ADCK5: variants seen among roughly 807,000 people sequenced by gnomAD.
The protein encoded by ADCK5 is uncharacterized aarF domain-containing protein kinase 5.
ADCK5 carries 43 observed loss-of-function variants against 64.9 expected under a neutral mutation model. The ratio of observed to expected loss-of-function variants is 0.66; its 90% CI spans 0.52 to 0.85. The LOEUF (loss-of-function observed/expected upper bound fraction) is 0.85. ADCK5 is among the 40% of genes least tolerant of loss of function. The pLI is 0.00. For synonymous variants in ADCK5, 434 were observed against 342.8 expected (o/e 1.27, Z -2.94); for missense variants, 760 against 810.5 (o/e 0.94, Z 0.76).
chr8:144,386,792 G>T (rs545360915), intron 3 of ADCK5, among the ~76,000 whole-genome samples: 32 of 152,210 alleles, frequency 2.1e-4, no homozygotes, highest in Non-Finnish European at 3.8e-4. Flanking sequence ...CAAAGTGGTG[G>T]GTCTTCGCCC....
Position 144,390,683 on chromosome 8 carries a change from C to T in ADCK5, c.279C>T (p.Val93=), listed in dbSNP as rs1554860192. The change falls in exon 4 of 15, where the codon GTC becomes GTT. Residue 93 remains valine, a synonymous_variant. Transcript: ENST00000308860. Reference sequence around the variant, plus strand: ...CCTCTGCCCGCAGGTCTCTGAAGGTCGGCCTGCAGATCTCCCTGGACTACT... The same window carrying T: ...CCTCTGCCCGCAGGTCTCTGAAGGTTGGCCTGCAGATCTCCCTGGACTACT... ...GMGRFGRSLK[V]GLQISLDYWW... is the part of the protein sequence containing the mutation. The T allele has an allele frequency of 5.0e-6, 8 of 1,613,630 alleles. No individual in the cohort carries two copies. The highest frequency in any genetic ancestry group is 1.3e-5 in the African/African-American group (1 of 75,058).
intron 12 of ADCK5, 25 bp from the exon 13 acceptor site, chr8:144,392,412 GCCCCCTCC>G: frequency 6.8e-7 from 1 of 1,475,036 alleles, no homozygotes; most frequent in Non-Finnish European, 9.0e-7. Flanking sequence ...CCCACTCAGA[GCCCCCTCC>G]CTCCCTCCCT....
At chr8:144,385,139 C>T (rs534368736) in intron 3 of ADCK5, among the ~76,000 whole-genome samples, 9 of 151,896 alleles carry the variant, frequency 5.9e-5, no homozygotes, top group African/African-American at 2.2e-4. Flanking sequence ...GACAATGTTT[C>T]TCTGCCTCAG....
chr8:144,392,898 T>C lies in ADCK5; in HGVS notation c.1637+6T>C. 1.2e-6 allele frequency: 2 copies of C among 1,600,338 alleles called. No homozygotes were observed. The highest frequency in any genetic ancestry group is 1.7e-6 in the Non-Finnish European group (2 of 1,176,224). ...AAGTTTGAAGTGGCGCTCAGGTGAG[T>C]GGCCGCGGGGCAGGTGGGTGGCGGG... On this transcript the variant is annotated splice_donor_region_variant and intron_variant, in intron 14 of 14. Coordinates refer to ENST00000308860, the MANE Select transcript of ADCK5 (RefSeq NM_174922.5).
chr8:144,381,774 GCCCCTGCTGCACT>G, intron 2 of ADCK5, among the ~76,000 whole-genome samples: 2 of 108,856 alleles, frequency 1.8e-5, no homozygotes, highest in Non-Finnish European at 3.9e-5. Context: ...GTGTGCTCAG[GCCCCTGCTGCACT>G]CAGGATTATG....
At position 144,392,960 on chromosome 8, in the gene ADCK5, C is replaced by T. The variant is rs782052942; in HGVS notation, c.1638-9C>T. 2 of 1,578,616 alleles carry T rather than the reference C, an allele frequency of 1.3e-6. No homozygotes were observed. The highest frequency in any genetic ancestry group is 1.5e-5 in the African/African-American group (1 of 67,752). On this transcript the variant is annotated splice_polypyrimidine_tract_variant and intron_variant, in intron 14 of 14. Coordinates refer to ENST00000308860, the MANE Select transcript of ADCK5 (RefSeq NM_174922.5). The stretch of plus-strand genomic sequence containing the variant: ...CACCCACCTGTGACCTGTGACCTGA[C>T]CCACGCAGGCTGGAGACCTTGGCCA...
rs556660351 is a variant in ADCK5 at position 144,391,007 on chromosome 8, G to A, written c.494G>A (p.Arg165Gln). Residue 165 changes from arginine to glutamine, a missense_variant, in exon 5 of 15, where the codon CGG becomes CAG. This residue lies in a region of ADCK5 where 427 missense variants were observed against 518.4 expected (regional missense o/e 0.82). Coordinates refer to ENST00000308860, the MANE Select transcript of ADCK5 (RefSeq NM_174922.5). The part of the protein sequence containing the change: ...FNHLLPPEYT[R>Q]TLRVLEDRAL... Reference sequence around the variant, plus strand: ...CACCTGCTTCCCCCCGAGTATACCCGGACCCTGCGCGTGCTAGAGGACAGG... The same window carrying A: ...CACCTGCTTCCCCCCGAGTATACCCAGACCCTGCGCGTGCTAGAGGACAGG... 35 of 1,612,960 alleles carry A rather than the reference G, an allele frequency of 2.2e-5. No individual in the cohort carries two copies. In the East Asian group the frequency reaches 2.9e-4, roughly 13 times the overall value.
chr8:144,379,813 G>A (rs143769610), intron 2 of ADCK5, among the ~76,000 whole-genome samples: 1 of 152,204 alleles, frequency 6.6e-6, no homozygotes, highest in Admixed American at 6.5e-5. Flanking sequence ...GTGACTATAG[G>A]TGGGAGTCAC....
chr8:144,391,011 C>T lies in ADCK5; in HGVS notation c.498C>T (p.Thr166=), dbSNP rs782182364. The stretch of plus-strand genomic sequence containing the variant: ...TGCTTCCCCCCGAGTATACCCGGAC[C>T]CTGCGCGTGCTAGAGGACAGGGCCC... ...NHLLPPEYTR[T]LRVLEDRALK... is the part of the protein sequence containing the mutation. Residue 166 remains threonine (T), a synonymous_variant, in exon 5 of 15, where the codon ACC becomes ACT. Transcript: ENST00000308860. 19 of 1,612,854 alleles carry T rather than the reference C, an allele frequency of 1.2e-5. No homozygotes were observed. The East Asian group carries it at 1.3e-4, about 11-fold the overall frequency.
Position 144,392,109 on chromosome 8 carries a change from C to G in ADCK5, c.1114C>G (p.Pro372Ala), listed in dbSNP as rs1820272617. ...ATCCCTAGTTCTGGTGCGGAAAGGC[C>G]CGGACGGGAAAGCGGAGCTGGTGCT... The part of the protein sequence containing the change: ...HPGNVLVRKG[P>A]DGKAELVLLD... Residue 372 changes from proline (P) to alanine (A), a missense_variant, in exon 11 of 15, where the codon CCG (proline) becomes GCG (alanine). Around this residue, in one of 2 missense-constraint regions of ADCK5, gnomAD observed 427 missense variants for 518.4 expected, o/e 0.82. Coordinates refer to ENST00000308860, the MANE Select transcript of ADCK5 (RefSeq NM_174922.5). 6.2e-7 allele frequency: 1 copy of G among 1,611,888 alleles called. No homozygotes were observed. The highest frequency in any genetic ancestry group is 8.5e-7 in the Non-Finnish European group (1 of 1,179,802).
Position 144,392,259 on chromosome 8 carries a change from G to T in ADCK5, c.1181G>T (p.Arg394Leu). The stretch of plus-strand genomic sequence containing the variant: ...GCGGGCCCATCCACACCCAGGGACC[G>T]CGCAGCCCTCTGCCAGCTGTGGCGG... ...GLYQFLEEKD[R>L]AALCQLWRAI... Residue 394 changes from arginine (R) to leucine (L), a missense_variant, in exon 12 of 15, where the codon CGC becomes CTC. Arg to Leu is a moderately radical substitution (Grantham distance 102). Transcript: ENST00000308860. The T allele has an allele frequency of 6.5e-7, 1 of 1,532,250 alleles. No individual in the cohort carries two copies. The highest frequency in any genetic ancestry group is 8.8e-7 in the Non-Finnish European group (1 of 1,142,842). 94.9% of individuals were successfully genotyped at this position (1,532,250 alleles called of 1,614,324 possible).
rs781800832 is a variant in ADCK5, at chr8:144,391,930, C to T, written c.1015-11C>T. On this transcript the variant is annotated splice_polypyrimidine_tract_variant and intron_variant, in intron 9 of 14. Coordinates refer to ENST00000308860, the MANE Select transcript of ADCK5 (RefSeq NM_174922.5). ...GTGCTGTGTCCACTGCAATGCCTCTCCTCTCCCCAGATAGCAGAAAAGCTC... is the reference window on the plus strand; with the variant it reads ...GTGCTGTGTCCACTGCAATGCCTCTTCTCTCCCCAGATAGCAGAAAAGCTC... The T allele has an allele frequency of 2.5e-6, 4 of 1,612,324 alleles. No individual in the cohort carries two copies. The highest frequency in any genetic ancestry group is 2.2e-5 in the East Asian group (1 of 44,864).
chr8:144,392,069 G>T, intron 10 of ADCK5, 23 bp from the exon 11 acceptor site: 1 of 1,612,212 alleles, frequency 6.2e-7, no homozygotes. Flanking sequence ...GGCGCAGCGC[G>T]ACCTAAGAGG....
At position 144,392,483 on chromosome 8, in the gene ADCK5, G is replaced by A; in HGVS notation, c.1306G>A (p.Val436Met). 9.6e-6 allele frequency: 12 copies of A among 1,244,360 alleles called. No homozygotes were observed. The highest frequency in any genetic ancestry group is 1.2e-5 in the Non-Finnish European group (12 of 969,112). The allele number at this position is 1,244,360 out of a possible 1,614,324, so 77.1% of individuals were successfully genotyped here. Residue 436 changes from valine to methionine, a missense_variant, in exon 13 of 15, where the codon GTG (valine) becomes ATG (methionine). Val to Met is a conservative substitution (Grantham distance 21). Coordinates refer to ENST00000308860, the MANE Select transcript of ADCK5 (RefSeq NM_174922.5). ...CGCCGAGATGCTCATGCAGCGCCCC[G>A]TGCGCCTGGGGCAGCTGTGGGGCTC... is the stretch of plus-strand genomic sequence containing the variant. ...LFAEMLMQRP[V>M]RLGQLWGSHL... is the part of the protein sequence containing the mutation.
rs1019245183 is a variant in ADCK5 at position 144,391,175 on chromosome 8, C to T, written c.585C>T (p.His195=). Residue 195 remains histidine, a synonymous_variant, in exon 6 of 15, where the codon CAC becomes CAT. Transcript: ENST00000308860. The part of the protein sequence containing the change: ...LFLEDFQALP[H]ELFQEFDYQP... ...TTGAGGACTTCCAGGCCCTCCCCCA[C>T]GAGCTCTTCCAGGAGTTTGACTACC... The T allele has an allele frequency of 4.3e-6, 7 of 1,611,888 alleles. No individual in the cohort carries two copies. Among genetic ancestry groups the T allele is most frequent in the Admixed American group, 1.7e-5 (1 of 60,004 alleles).
chr8:144,383,302 T>C, intron 3 of ADCK5, 72 bp downstream of exon 3: 1 of 1,453,094 alleles, frequency 6.9e-7, no homozygotes, highest in Non-Finnish European at 9.1e-7. Flanking sequence ...GATTGCCTGC[T>C]CCAGATGCCT....
At chr8:144,374,618 T>C (rs1032525954) in intron 1 of ADCK5, among the ~76,000 whole-genome samples, 1 of 152,040 alleles carries the variant, frequency 6.6e-6, no homozygotes, top group Non-Finnish European at 1.5e-5. Flanking sequence ...TCAGGCGCCG[T>C]TCCCCTCGCG....
At chr8:144,378,970 G>C (rs1330137333) in intron 1 of ADCK5, among the ~76,000 whole-genome samples, 1 of 149,124 alleles carries the variant, frequency 6.7e-6, no homozygotes, top group Non-Finnish European at 1.5e-5. Flanking sequence ...GTTTCGCTCT[G>C]TTGCCCAGGC....
Position 144,391,119 on chromosome 8 carries a change from C to G in ADCK5, c.544-15C>G, listed in dbSNP as rs1173235343. 1.2e-6 allele frequency: 2 copies of G among 1,610,278 alleles called. No homozygotes were observed. The highest frequency in any genetic ancestry group is 1.7e-6 in the Non-Finnish European group (2 of 1,179,980). ...AGCAGTGGCCCCAGGCTGCTCTGAG[C>G]ACCTGTCCTTCCAGGTGGATGAGTT... On this transcript the variant is annotated splice_polypyrimidine_tract_variant and intron_variant, in intron 5 of 14. Coordinates refer to ENST00000308860, the MANE Select transcript of ADCK5 (RefSeq NM_174922.5).
Sources: gnomAD v4.1 joint callset for allele counts (sites outside exome capture counted in the v4.1 genomes callset) on GRCh38, gnomAD v4.1.1 for gene constraint, gnomAD v4.1.1 regional missense constraint, MANE v1.5 for transcripts, NCBI Gene and HGNC (gene_info 2026-07-23, HGNC 2026-07-21) for gene names.